Variants in AFG2A observed in about 807,000 individuals in gnomAD.
The protein encoded by AFG2A is AAA ATPase AFG2A.
chr4:123,014,575 G>T, the AFG2A span, among the ~76,000 whole-genome samples: 2 of 152,142 alleles, frequency 1.3e-5, no homozygotes, highest in African/African-American at 4.8e-5. Context: ...CAGATCTGAG[G>T]ACAGTGCTAA....
chr4:123,232,006 A>G, the AFG2A span, among the ~76,000 whole-genome samples: 1 of 152,058 alleles, frequency 6.6e-6, no homozygotes, highest in Non-Finnish European at 1.5e-5. Context: ...AATAATGAAA[A>G]GTTTAAAATG....
At chr4:123,004,365 T>G in the AFG2A span, among the ~76,000 whole-genome samples, 14 of 152,204 alleles carry the variant, frequency 9.2e-5, no homozygotes, top group African/African-American at 3.1e-4. Flanking sequence ...ACCCGGTACC[T>G]CAGATGTAAA....
chr4:123,210,804 A>G, the AFG2A span, among the ~76,000 whole-genome samples: 1 of 151,982 alleles, frequency 6.6e-6, no homozygotes, highest in Non-Finnish European at 1.5e-5. Context: ...TGACTAGTTG[A>G]CATTCCCATG....
the AFG2A span, among the ~76,000 whole-genome samples, chr4:123,041,097 A>G: frequency 6.5e-3 from 976 of 150,984 alleles, 12 homozygotes; most frequent in African/African-American, 0.022. Context: ...CTTCTTTTTT[A>G]TAATTTTTTA....
the AFG2A span, among the ~76,000 whole-genome samples, chr4:123,210,022 G>A: frequency 6.6e-6 from 1 of 152,036 alleles, no homozygotes; most frequent in Admixed American, 6.6e-5. Context: ...AACCTTTCCA[G>A]CACTTTGGGA....
the AFG2A span, among the ~76,000 whole-genome samples, chr4:123,003,943 A>C: frequency 6.6e-5 from 10 of 152,048 alleles, no homozygotes; most frequent in Non-Finnish European, 1.3e-4. Flanking sequence ...GGCCTCCTTG[A>C]GCTGTGGTGG....
the AFG2A span, among the ~76,000 whole-genome samples, chr4:123,018,728 G>T: frequency 1.3e-5 from 2 of 151,828 alleles, no homozygotes; most frequent in African/African-American, 4.8e-5. Flanking sequence ...CCGCCTCCCA[G>T]GTTCAAGCGA....
chr4:122,939,424 G>A, the AFG2A span, among the ~76,000 whole-genome samples: 3 of 152,212 alleles, frequency 2.0e-5, 1 homozygote, highest in East Asian at 5.8e-4. Flanking sequence ...GCTAATTATG[G>A]AAGGAACATT....
the AFG2A span, among the ~76,000 whole-genome samples, chr4:123,027,839 G>A: frequency 6.6e-6 from 1 of 152,146 alleles, no homozygotes; most frequent in Non-Finnish European, 1.5e-5. Context: ...ATATAGATGA[G>A]ACCTTGGATG....
the AFG2A span, among the ~76,000 whole-genome samples, chr4:123,012,892 G>A: frequency 7.2e-5 from 11 of 151,888 alleles, no homozygotes; most frequent in Non-Finnish European, 2.9e-5. Context: ...CAAAGAGCAG[G>A]AGAATAGCGG....
chr4:123,125,687 T>G, the AFG2A span, among the ~76,000 whole-genome samples: 1 of 152,214 alleles, frequency 6.6e-6, no homozygotes, highest in East Asian at 1.9e-4. Context: ...CACTTTTCCC[T>G]TCTGCTGACT....
At chr4:123,261,993 C>G in the AFG2A span, among the ~76,000 whole-genome samples, 2 of 152,222 alleles carry the variant, frequency 1.3e-5, no homozygotes, top group East Asian at 3.9e-4. Context: ...CCAGCCTGGT[C>G]TTAAACTCCT....
At chr4:122,923,192 G>T in the AFG2A span, 1 of 1,614,248 alleles carries the variant, frequency 6.2e-7, no homozygotes, top group South Asian at 1.1e-5. Context: ...GCGGAAAATG[G>T]TTCGTCCTTG....
At chr4:122,987,675 T>A in the AFG2A span, among the ~76,000 whole-genome samples, 54 of 152,318 alleles carry the variant, frequency 3.5e-4, no homozygotes, top group Middle Eastern at 3.4e-3. Flanking sequence ...AACTTAACAT[T>A]GGTCCCACAC....
At chr4:123,214,587 AAATT>A in the AFG2A span, among the ~76,000 whole-genome samples, 2 of 152,046 alleles carry the variant, frequency 1.3e-5, no homozygotes, top group African/African-American at 2.4e-5. Flanking sequence ...AATATAAAAA[AAATT>A]AAGAAAAAAT....
chr4:123,087,741 G>A, the AFG2A span, among the ~76,000 whole-genome samples: 1 of 152,032 alleles, frequency 6.6e-6, no homozygotes, highest in Non-Finnish European at 1.5e-5. Flanking sequence ...GTGGGTTTCC[G>A]CTCCAGAAAG....
chr4:123,074,666 A>G, the AFG2A span, among the ~76,000 whole-genome samples: 1 of 151,982 alleles, frequency 6.6e-6, no homozygotes, highest in Admixed American at 6.6e-5. Context: ...ATTTTGCTGT[A>G]GTTCATGTGG....
At chr4:123,229,403 C>T in the AFG2A span, among the ~76,000 whole-genome samples, 2 of 151,944 alleles carry the variant, frequency 1.3e-5, no homozygotes, top group African/African-American at 4.8e-5. Context: ...ATTCTAAAGA[C>T]AGTGGGAAAC....
the AFG2A span, among the ~76,000 whole-genome samples, chr4:122,941,778 G>A: frequency 7.9e-5 from 12 of 151,492 alleles, no homozygotes; most frequent in Non-Finnish European, 1.6e-4. Flanking sequence ...GTTTGTCATA[G>A]ATAGCTCTTA....
Sources: allele counts gnomAD v4.1 joint callset (sites outside exome capture counted in the v4.1 genomes callset), GRCh38; gene constraint gnomAD v4.1.1; transcripts MANE v1.5; gene names NCBI Gene and HGNC (gene_info 2026-07-23, HGNC 2026-07-21).